ABHD18: variants seen among roughly 807,000 people sequenced by gnomAD.
ABHD18 encodes the protein cardiolipin-specific deacylase, mitochondrial.
Under a neutral mutation model 65.9 loss-of-function variants are expected in ABHD18, and 55 were observed. That is an observed-to-expected ratio of 0.84 (90% CI 0.67 to 1.05). ABHD18 has a LOEUF of 1.05. ABHD18 is among the 50% of genes least tolerant of loss of function. ABHD18 has a pLI of 0.00. For synonymous variants in ABHD18, 181 were observed against 180.2 expected, an observed-to-expected ratio of 1.00 and a Z score of -0.04; for missense variants, 533 against 558.5, an observed-to-expected ratio of 0.95 and a Z score of 0.46.
At chr4:128,025,923 C>T (rs1296058125) in intron 10 of ABHD18, among the ~76,000 whole-genome samples, 3 of 152,092 alleles carry the variant, frequency 2.0e-5, no homozygotes, top group Non-Finnish European at 2.9e-5. Context: ...TTTGGGAGGC[C>T]GAGGTGGGCA....
Position 128,030,532 on chromosome 4 carries a change from T to C in ABHD18, c.1203T>C (p.Ile401=). ...NFSVPVDPSL[I]IVVQAKEDAY... ...TAGTCCCAGTTGATCCAAGCCTCAT[T>C]ATAGTGGTTCAAGCCAAAGAAGATG... Residue 401 remains isoleucine (I), a synonymous_variant, in exon 12 of 13, where the codon ATT becomes ATC. Coordinates refer to ENST00000645843, the MANE Select transcript of ABHD18 (RefSeq NM_001358451.3). The C allele has an allele frequency of 6.3e-7, 1 of 1,585,234 alleles. No homozygotes were observed. Among genetic ancestry groups the C allele is most frequent in the Non-Finnish European group, 8.5e-7 (1 of 1,173,166 alleles).
At chr4:127,990,781 T>C (rs1750781941) in intron 4 of ABHD18, among the ~76,000 whole-genome samples, 2 of 152,170 alleles carry the variant, frequency 1.3e-5, no homozygotes, top group Admixed American at 1.3e-4. Flanking sequence ...CTGAGGTTCC[T>C]AAGTGGTTAA....
chr4:128,006,563 A>G (rs1366725570), intron 4 of ABHD18, among the ~76,000 whole-genome samples: 1 of 152,188 alleles, frequency 6.6e-6, no homozygotes, highest in African/African-American at 2.4e-5. Context: ...CAAAGTTTTC[A>G]GCTCAGAATT....
At chr4:127,967,582 C>T (rs1745867519) in intron 1 of ABHD18, among the ~76,000 whole-genome samples, 1 of 152,026 alleles carries the variant, frequency 6.6e-6, no homozygotes, top group Admixed American at 6.6e-5. Flanking sequence ...AGAGGAATCC[C>T]AGCCCTCTGA....
intron 12 of ABHD18, 69 bp from the exon 13 acceptor site, chr4:128,035,693 C>A: frequency 1.1e-6 from 1 of 881,584 alleles, no homozygotes; most frequent in Non-Finnish European, 1.8e-6. Context: ...AAATAACTTA[C>A]AGTAAAGGCA....
At chr4:128,017,209 C>T (rs772490632) in intron 7 of ABHD18, 154 bp from the exon 8 acceptor site, 6 of 689,696 alleles carry the variant, frequency 8.7e-6, no homozygotes, top group Admixed American at 5.8e-5. Flanking sequence ...TAAGCCATCA[C>T]GCCTGGCCCT....
At chr4:127,975,292 C>T (rs1309009398) in intron 1 of ABHD18, among the ~76,000 whole-genome samples, 5 of 152,154 alleles carry the variant, frequency 3.3e-5, no homozygotes, top group Admixed American at 3.3e-4. Flanking sequence ...ACCCATTAAA[C>T]AGTAGCCTCC....
chr4:127,988,288 T>G (rs1750333279), intron 3 of ABHD18, among the ~76,000 whole-genome samples: 1 of 152,168 alleles, frequency 6.6e-6, no homozygotes, highest in African/African-American at 2.4e-5. Context: ...TGCACTGCAG[T>G]GGTGTAATCA....
intron 10 of ABHD18, among the ~76,000 whole-genome samples, chr4:128,026,554 T>A (rs2149182685): frequency 6.6e-6 from 1 of 152,244 alleles, no homozygotes; most frequent in East Asian, 1.9e-4. Flanking sequence ...TTCAAAAAAA[T>A]TATTCAATTC....
chr4:127,993,787 G>A (rs1407394885), intron 4 of ABHD18, among the ~76,000 whole-genome samples: 2 of 151,866 alleles, frequency 1.3e-5, no homozygotes, highest in African/African-American at 4.8e-5. Context: ...CATTTAAGTT[G>A]CATTGTTTTT....
rs561590835 is a variant in ABHD18, at chr4:128,025,048, T to C, written c.802-3427T>C. Among the ~76,000 whole-genome samples, 8 of 152,158 alleles carry C rather than the reference T, an allele frequency of 5.3e-5. No individual in the cohort carries two copies. In the East Asian group the frequency reaches 1.2e-3, roughly 22 times the overall value. ...AATGTATGGTCATATAATTCAAGCA[T>C]CAAAAAGTATAAATAGATACATATA... is the stretch of plus-strand genomic sequence containing the variant. On this transcript the variant is annotated intron_variant, in intron 10 of 12. Coordinates refer to ENST00000645843, the MANE Select transcript of ABHD18 (RefSeq NM_001358451.3).
At position 127,984,418 on chromosome 4, in the gene ABHD18, G is replaced by C; in HGVS notation, c.172G>C (p.Asp58His). 3.9e-6 allele frequency: 6 copies of C among 1,523,572 alleles called. No homozygotes were observed. Among genetic ancestry groups the C allele is most frequent in the Non-Finnish European group, 5.3e-6 (6 of 1,125,200 alleles). 94.4% of individuals were successfully genotyped at this position (1,523,572 alleles called of 1,614,324 possible). The change falls in exon 3 of 13, where the codon GAT becomes CAT. Residue 58 changes from aspartate to histidine, a missense_variant. This residue lies in a region of ABHD18 where 309 missense variants were observed against 313.5 expected (regional missense o/e 0.99). Coordinates refer to ENST00000645843, the MANE Select transcript of ABHD18 (RefSeq NM_001358451.3). ...LVSSDYPVHI[D>H]KIEEQSDCKI... Reference sequence around the variant, plus strand: ...TTCAAGCGATTATCCAGTACACATTGATAAGGTATTCAAATGAGAGAAACA... The same window carrying C: ...TTCAAGCGATTATCCAGTACACATTCATAAGGTATTCAAATGAGAGAAACA...
intron 11 of ABHD18, 52 bp downstream of exon 11, chr4:128,028,905 T>C (rs1337155376): frequency 3.7e-6 from 5 of 1,349,298 alleles, no homozygotes; most frequent in African/African-American, 2.9e-5. Flanking sequence ...TAAGTATTTG[T>C]GAAATATTTT....
In ABHD18 at chr4:127,977,692, A is replaced by G. The variant is rs112560758; in HGVS notation, c.-17-5247A>G. Among the ~76,000 whole-genome samples the G allele has an allele frequency of 4.6e-3, 696 of 152,306 alleles. 10 individuals are homozygous for G. Among genetic ancestry groups the G allele is most frequent in the African/African-American group, 0.016 (664 of 41,572 alleles). On this transcript the variant is annotated intron_variant, in intron 1 of 12. Transcript: ENST00000645843. The stretch of plus-strand genomic sequence containing the variant: ...AAGATGCATATTGCATTACAAACGA[A>G]TAAGTCTCTGCTAAATGTTTGATGC...
intron 1 of ABHD18, among the ~76,000 whole-genome samples, chr4:127,980,983 A>G (rs1444826262): frequency 6.6e-6 from 1 of 152,100 alleles, no homozygotes; most frequent in African/African-American, 2.4e-5. Context: ...CCTTATATGA[A>G]TTATCTGTAC....
chr4:128,017,542 G>T, intron 8 of ABHD18, 41 bp downstream of exon 8: 1 of 1,530,568 alleles, frequency 6.5e-7, no homozygotes, highest in Non-Finnish European at 8.8e-7. Context: ...TTATGTTTAT[G>T]TTTGTAAGAT....
intron 10 of ABHD18, among the ~76,000 whole-genome samples, chr4:128,023,746 G>A (rs771761042): frequency 1.3e-5 from 2 of 152,160 alleles, no homozygotes; most frequent in Non-Finnish European, 2.9e-5. Flanking sequence ...CGGGCGTGGT[G>A]GCAGGCAGGC....
intron 4 of ABHD18, among the ~76,000 whole-genome samples, chr4:127,994,792 G>C (rs1481960559): frequency 6.6e-6 from 1 of 152,036 alleles, no homozygotes; most frequent in African/African-American, 2.4e-5. Context: ...TCATTTCTCA[G>C]CATCAGAGGT....
chr4:128,034,844 G>T (rs962689324), intron 12 of ABHD18, among the ~76,000 whole-genome samples: 19 of 152,000 alleles, frequency 1.3e-4, no homozygotes, highest in Non-Finnish European at 2.2e-4. Flanking sequence ...TAGAGACGGG[G>T]TTTCTCCATG....
Sources: gnomAD v4.1 joint callset for allele counts (sites outside exome capture counted in the v4.1 genomes callset) on GRCh38, gnomAD v4.1.1 for gene constraint, gnomAD v4.1.1 regional missense constraint, MANE v1.5 for transcripts, NCBI Gene and HGNC (gene_info 2026-07-23, HGNC 2026-07-21) for gene names.